Variants in BMP7 observed in about 807,000 individuals in gnomAD.
The protein encoded by BMP7 is osteogenic protein 1.
In BMP7, 12 loss-of-function variants were observed where a neutral mutation model predicts 41.2. The ratio of observed to expected loss-of-function variants is 0.29; its 90% CI spans 0.19 to 0.47. The LOEUF is 0.47. Among genes scored for constraint, BMP7 ranks in the 20% least tolerant of loss-of-function variants. The pLI is 0.99. For synonymous variants in BMP7, 248 were observed against 250.0 expected, an observed-to-expected ratio of 0.99 and a Z score of 0.07; for missense variants, 467 against 606.0, an observed-to-expected ratio of 0.77 and a Z score of 2.41.
In BMP7 at chr20:57,213,622, G is replaced by C. The variant is rs1431750784; in HGVS notation, c.612-10999C>G. On this transcript the variant is annotated intron_variant, in intron 2 of 6. Transcript: ENST00000395863. The surrounding 1 kb of genome is among the most constrained non-coding windows in gnomAD (Gnocchi z 4.4). ...AGGGAAGAGAAATACAGCGACAAAT[G>C]GAAGGCTCTCCCTCATTAGAGACAC... is the stretch of plus-strand genomic sequence containing the variant. Among the ~76,000 whole-genome samples the C allele has an allele frequency of 1.3e-5, 2 of 152,186 alleles. No homozygotes were observed. Among genetic ancestry groups the C allele is most frequent in the Non-Finnish European group, 2.9e-5 (2 of 68,046 alleles).
chr20:57,175,542 T>C (rs868654928), intron 4 of BMP7, among the ~76,000 whole-genome samples: 1 of 152,194 alleles, frequency 6.6e-6, no homozygotes, highest in Non-Finnish European at 1.5e-5. Flanking sequence ...CAAAACCTGA[T>C]GACCTTTCAG....
chr20:57,189,691 C>T (rs1281705870), intron 3 of BMP7, among the ~76,000 whole-genome samples: 1 of 152,268 alleles, frequency 6.6e-6, no homozygotes, highest in Non-Finnish European at 1.5e-5. Flanking sequence ...GAGATAGAAG[C>T]ATCCTTTGCC....
intron 3 of BMP7, among the ~76,000 whole-genome samples, chr20:57,186,275 C>T (rs986725827): frequency 4.6e-5 from 7 of 152,108 alleles, no homozygotes; most frequent in African/African-American, 7.2e-5. Flanking sequence ...ATCTGGAAGA[C>T]GCTTGGGCAG....
intron 4 of BMP7, among the ~76,000 whole-genome samples, chr20:57,180,644 T>G (rs911683317): frequency 1.3e-5 from 2 of 152,116 alleles, no homozygotes; most frequent in African/African-American, 2.4e-5. Flanking sequence ...GAGTCCAGCA[T>G]AAAAGAGGCT....
rs188907979 is a variant in BMP7, at chr20:57,220,502, G to A, written c.611+7727C>T. Among the ~76,000 whole-genome samples the A allele has an allele frequency of 4.6e-5, 7 of 152,302 alleles. No homozygotes were observed. The East Asian group carries it at 9.6e-4, about 21-fold the overall frequency. On this transcript the variant is annotated intron_variant, in intron 2 of 6. Transcript: ENST00000395863. Reference sequence around the variant, plus strand: ...TTTGGAAAAATGAGCTTCTATAGGCGAGCAGAGGCCCAGGGCCAAGCATGA... The same window carrying A: ...TTTGGAAAAATGAGCTTCTATAGGCAAGCAGAGGCCCAGGGCCAAGCATGA...
At position 57,259,787 on chromosome 20, in the gene BMP7, C is replaced by T. The variant is rs932646100; in HGVS notation, c.418+5918G>A. Among the ~76,000 whole-genome samples the T allele has an allele frequency of 1.1e-4, 16 of 152,152 alleles. No homozygotes were observed. Among genetic ancestry groups the T allele is most frequent in the South Asian group, 2.1e-4 (1 of 4,814 alleles). On this transcript the variant is annotated intron_variant, in intron 1 of 6. Coordinates refer to ENST00000395863, the MANE Select transcript of BMP7 (RefSeq NM_001719.3). This position sits in a 1 kb window ranked among gnomAD's most constrained non-coding sequence, Gnocchi z 4.7. ...AAATCATAAACACTCTACTTTGGAG[C>T]GGAAAAAAATACACAGCAGCAGTCC... is the stretch of plus-strand genomic sequence containing the variant.
At position 57,170,792 on chromosome 20, in the gene BMP7, C is replaced by A; in HGVS notation, c.*167G>T. 1 of 882,230 alleles carries A rather than the reference C, an allele frequency of 1.1e-6. No individual in the cohort carries two copies. Among genetic ancestry groups the A allele is most frequent in the Admixed American group, 2.1e-5 (1 of 46,564 alleles). The allele number at this position is 882,230 out of a possible 1,614,324, so 54.7% of individuals were successfully genotyped here. Reference sequence around the variant, plus strand: ...TGGATGCTGCCACTGAAAAACTGATCAAAAGCCATATGCTGCTCATGTTTC... The same window carrying A: ...TGGATGCTGCCACTGAAAAACTGATAAAAAGCCATATGCTGCTCATGTTTC... On this transcript the variant is annotated 3_prime_UTR_variant, in exon 7 of 7. Transcript: ENST00000395863.
At chr20:57,251,451 G>A (rs907041597) in intron 1 of BMP7, among the ~76,000 whole-genome samples, 1 of 152,214 alleles carries the variant, frequency 6.6e-6, no homozygotes, top group Middle Eastern at 3.2e-3. Flanking sequence ...AAGCCTCCCT[G>A]TGTTCGACAT....
chr20:57,212,942 C>T (rs1984929401), intron 2 of BMP7, among the ~76,000 whole-genome samples: 2 of 152,278 alleles, frequency 1.3e-5, no homozygotes, highest in South Asian at 4.1e-4. Context: ...AGAACAGTCC[C>T]TGGCATCCCC....
intron 3 of BMP7, among the ~76,000 whole-genome samples, chr20:57,198,613 A>T (rs1230934780): frequency 1.3e-5 from 2 of 152,170 alleles, no homozygotes; most frequent in Admixed American, 1.3e-4. Context: ...AGGAGGGCCC[A>T]GCTGGGAGGA....
At chr20:57,232,024 C>T (rs2066031216) in intron 1 of BMP7, among the ~76,000 whole-genome samples, 1 of 152,218 alleles carries the variant, frequency 6.6e-6, no homozygotes, top group African/African-American at 2.4e-5. Flanking sequence ...GATGAGGACA[C>T]TGAGGCTCAG....
intron 3 of BMP7, among the ~76,000 whole-genome samples, chr20:57,193,487 T>C (rs1172881722): frequency 1.3e-5 from 2 of 152,212 alleles, no homozygotes; most frequent in African/African-American, 2.4e-5. Context: ...CGCCGGCCTC[T>C]GGCAAGACAC....
chr20:57,229,798 A>G (rs1315882587), intron 1 of BMP7, among the ~76,000 whole-genome samples: 2 of 152,234 alleles, frequency 1.3e-5, no homozygotes, highest in Non-Finnish European at 2.9e-5. Flanking sequence ...CCCGGTTCCA[A>G]GTGGGACAGC....
intron 1 of BMP7, among the ~76,000 whole-genome samples, chr20:57,236,444 G>GC (rs1196682565): frequency 1.3e-5 from 2 of 152,182 alleles, no homozygotes; most frequent in African/African-American, 4.8e-5. Context: ...GATAACCCTG[G>GC]CAAGAATGCT....
chr20:57,257,812 A>G (rs2066139449), intron 1 of BMP7, among the ~76,000 whole-genome samples: 1 of 146,412 alleles, frequency 6.8e-6, no homozygotes, highest in African/African-American at 2.6e-5. Context: ...TGAAGGCCAA[A>G]ACACAAGCCA....
Position 57,174,297 on chromosome 20 carries a change from A to C in BMP7, c.1035+634T>G, listed in dbSNP as rs114357257. ...GTGTTCATCGCTGCATCTCCAATCC[A>C]GTACCTAGAACAGGGCCCAGAACGC... is the stretch of plus-strand genomic sequence containing the variant. On this transcript the variant is annotated intron_variant, in intron 5 of 6. Transcript: ENST00000395863. This position sits in a 1 kb window ranked among gnomAD's most constrained non-coding sequence, Gnocchi z 4.3. Among the ~76,000 whole-genome samples the C allele has an allele frequency of 7.9e-4, 121 of 152,304 alleles. No homozygotes were observed. The highest frequency in any genetic ancestry group is 2.7e-3 in the African/African-American group (111 of 41,560).
chr20:57,212,566 G>A (rs12481628), intron 2 of BMP7, among the ~76,000 whole-genome samples: 74,846 of 152,094 alleles, frequency 0.49, 19,418 homozygotes, highest in South Asian at 0.6. Context: ...TGTTGTGAAC[G>A]GTTGCTGGGC....
Position 57,265,936 on chromosome 20 carries a change from C to T in BMP7, c.187G>A (p.Gly63Ser). The change falls in exon 1 of 7, where the codon GGC becomes AGC. Residue 63 changes from glycine (G) to serine (S), a missense_variant. Coordinates refer to ENST00000395863, the MANE Select transcript of BMP7 (RefSeq NM_001719.3). The stretch of plus-strand genomic sequence containing the variant: ...TGCGGGCGCGGGCGGTGGGGCAAGC[C>T]CAAAATGGAGAGGATCTCGCGCTGC... ...EMQREILSILGLPHRPRPHLQ... is the reference protein window; with the variant it reads ...EMQREILSILSLPHRPRPHLQ... The T allele has an allele frequency of 6.4e-7, 1 of 1,557,780 alleles. No homozygotes were observed. Among genetic ancestry groups the T allele is most frequent in the South Asian group, 1.2e-5 (1 of 84,672 alleles).
intron 3 of BMP7, among the ~76,000 whole-genome samples, chr20:57,198,077 C>T (rs1486615753): frequency 2.0e-5 from 3 of 150,180 alleles, no homozygotes; most frequent in African/African-American, 4.9e-5. Context: ...CCCTCCTCTC[C>T]TCTCGCTCTC....
Sources: gnomAD v4.1 joint callset for allele counts (sites outside exome capture counted in the v4.1 genomes callset) on GRCh38, gnomAD v4.1.1 for gene constraint, Gnocchi (gnomAD v3.1) non-coding constraint, MANE v1.5 for transcripts, NCBI Gene and HGNC (gene_info 2026-07-23, HGNC 2026-07-21) for gene names.